The following IL1RAPL1 variants were observed in gnomAD, a reference collection of about 807,000 sequenced individuals.
The protein encoded by IL1RAPL1 is interleukin-1 receptor accessory protein-like 1.
Under a neutral mutation model 48.4 loss-of-function variants are expected in IL1RAPL1, and 3 were observed. The ratio of observed to expected loss-of-function variants is 0.06; its 90% CI spans 0.03 to 0.16. The LOEUF (loss-of-function observed/expected upper bound fraction) is 0.16. Among genes scored for constraint, IL1RAPL1 ranks in the 10% least tolerant of loss-of-function variants. IL1RAPL1 has a pLI of 1.00. For synonymous variants in IL1RAPL1, 185 were observed against 187.7 expected, an observed-to-expected ratio of 0.99 and a Z score of 0.12; for missense variants, 349 against 530.6, an observed-to-expected ratio of 0.66 and a Z score of 3.36.
chrX:29,446,468 A>G (rs1489263051), intron 5 of IL1RAPL1, among the ~76,000 whole-genome samples: 1 of 111,659 alleles, frequency 9.0e-6, no homozygotes, highest in Non-Finnish European at 1.9e-5. Context: ...GGGGAAAAAG[A>G]CCAATATGTG....
chrX:28,807,564 T>G (rs1936746371), intron 2 of IL1RAPL1, among the ~76,000 whole-genome samples: 1 of 111,587 alleles, frequency 9.0e-6, no homozygotes, highest in Non-Finnish European at 1.9e-5. Context: ...CTTTTTGGTT[T>G]TAGTTTTATG....
At chrX:28,925,573 C>T (rs1287554996) in intron 2 of IL1RAPL1, among the ~76,000 whole-genome samples, 1 of 111,571 alleles carries the variant, frequency 9.0e-6, no homozygotes, top group Non-Finnish European at 1.9e-5. Flanking sequence ...ATTTTGTATA[C>T]GCAACCCTGT....
chrX:29,115,022 T>C (rs1928650930), intron 2 of IL1RAPL1, among the ~76,000 whole-genome samples: 1 of 112,006 alleles, frequency 8.9e-6, no homozygotes, highest in Admixed American at 9.5e-5. Context: ...TTAAAGGACC[T>C]CAAATATTTT....
At chrX:29,081,018 C>T (rs544426064) in intron 2 of IL1RAPL1, among the ~76,000 whole-genome samples, 870 of 54,201 alleles carry the variant, frequency 0.016, 28 homozygotes, top group South Asian at 0.044. Context: ...CTCTCTCTCT[C>T]TCTTTCTTTT....
chrX:29,742,437 G>T lies in IL1RAPL1; in HGVS notation c.778+73933G>T, dbSNP rs1400713935. Among the ~76,000 whole-genome samples the T allele has an allele frequency of 2.7e-5, 3 of 110,391 alleles. No individual in the cohort carries two copies. In the South Asian group the frequency reaches 1.1e-3, roughly 42 times the overall value. On this transcript the variant is annotated intron_variant, in intron 6 of 10. Transcript: ENST00000378993. ...AAACCATGATGTAAATGGAGCTAAGGTCAGAATTAGATTCCTTAGGGAGCT... is the reference window on the plus strand; with the variant it reads ...AAACCATGATGTAAATGGAGCTAAGTTCAGAATTAGATTCCTTAGGGAGCT...
At chrX:29,769,206 A>C (rs144936796) in intron 6 of IL1RAPL1, among the ~76,000 whole-genome samples, 2,701 of 110,364 alleles carry the variant, frequency 0.024, 77 homozygotes, top group African/African-American at 0.085. Context: ...GAATTATTTT[A>C]TTTCTTTTTA....
At position 29,582,365 on chromosome X, in the gene IL1RAPL1, T is replaced by A. The variant is rs764916195; in HGVS notation, c.704-86065T>A. 9.9e-3 allele frequency among the ~76,000 whole-genome samples: 923 copies of A among 93,491 alleles called. 18 individuals are homozygous for A. Among genetic ancestry groups the A allele is most frequent in the African/African-American group, 0.022 (417 of 18,799 alleles). 81.2% of individuals were successfully genotyped at this position (93,491 alleles called of 115,157 possible). On this transcript the variant is annotated intron_variant, in intron 5 of 10. Coordinates refer to ENST00000378993, the MANE Select transcript of IL1RAPL1 (RefSeq NM_014271.4). ...AGATAGCATCTTTTTTTTTTTATTTTTTTATTTTTTTATTTTTATTTTTAT... is the reference window on the plus strand; with the variant it reads ...AGATAGCATCTTTTTTTTTTTATTTATTTATTTTTTTATTTTTATTTTTAT...
At chrX:28,646,784 C>T (rs1216345315) in intron 1 of IL1RAPL1, among the ~76,000 whole-genome samples, 1 of 112,496 alleles carries the variant, frequency 8.9e-6, no homozygotes, top group Non-Finnish European at 1.9e-5. Context: ...CCAACTGTTA[C>T]TCCTTTCATT....
intron 2 of IL1RAPL1, among the ~76,000 whole-genome samples, chrX:29,045,379 A>C (rs181111047): frequency 8.9e-6 from 1 of 112,390 alleles, no homozygotes; most frequent in Non-Finnish European, 1.9e-5. Flanking sequence ...AACCAACACA[A>C]GTTCTTTTGC....
intron 2 of IL1RAPL1, among the ~76,000 whole-genome samples, chrX:29,150,830 G>A (rs1388946825): frequency 2.8e-5 from 3 of 107,180 alleles, no homozygotes; most frequent in Non-Finnish European, 5.8e-5. Context: ...GCCGAGGCAG[G>A]AGAATCGCTT....
At chrX:28,827,196 A>T (rs1281053291) in intron 2 of IL1RAPL1, among the ~76,000 whole-genome samples, 3 of 111,294 alleles carry the variant, frequency 2.7e-5, no homozygotes, top group Non-Finnish European at 5.7e-5. Context: ...TATTTTCTTC[A>T]GCTACATATT....
At chrX:29,803,249 A>ATG (rs1339418248) in intron 6 of IL1RAPL1, among the ~76,000 whole-genome samples, 1 of 32,281 alleles carries the variant, frequency 3.1e-5, no homozygotes, top group Admixed American at 2.6e-4. Context: ...ATATGTATAC[A>ATG]TATACACACA....
At position 29,053,912 on chromosome X, in the gene IL1RAPL1, T is replaced by A. The variant is rs191695361; in HGVS notation, c.83-229026T>A. ...AGCTTTATTTCTGAGCTGGTATTTATCTTTCTGTGCCTGGCTTATTTGACC... is the reference window on the plus strand; with the variant it reads ...AGCTTTATTTCTGAGCTGGTATTTAACTTTCTGTGCCTGGCTTATTTGACC... On this transcript the variant is annotated intron_variant, in intron 2 of 10. Transcript: ENST00000378993. Among the ~76,000 whole-genome samples, 158 of 112,059 alleles carry A rather than the reference T, an allele frequency of 1.4e-3. 1 individual carries two copies. The highest frequency in any genetic ancestry group is 4.9e-3 in the African/African-American group (152 of 30,858).
chrX:29,403,271 C>T (rs1164656532), intron 5 of IL1RAPL1, among the ~76,000 whole-genome samples: 5 of 111,724 alleles, frequency 4.5e-5, no homozygotes, highest in African/African-American at 1.6e-4. Flanking sequence ...TTTTGTTGCT[C>T]AAATTATTAC....
intron 6 of IL1RAPL1, among the ~76,000 whole-genome samples, chrX:29,850,608 G>A (rs1569185335): frequency 8.9e-6 from 1 of 112,454 alleles, no homozygotes; most frequent in Non-Finnish European, 1.9e-5. Context: ...TGTGGGTGGC[G>A]ACTGTGGAAA....
intron 2 of IL1RAPL1, among the ~76,000 whole-genome samples, chrX:29,069,671 C>CACACACA (rs1927524448): frequency 1.6e-5 from 1 of 63,908 alleles, no homozygotes; most frequent in South Asian, 6.9e-4. Flanking sequence ...ACACACACAC[C>CACACACA]CCTCCCCTTC....
intron 2 of IL1RAPL1, among the ~76,000 whole-genome samples, chrX:28,995,673 G>A (rs780323786): frequency 1.8e-5 from 2 of 111,275 alleles, no homozygotes; most frequent in East Asian, 5.7e-4. Flanking sequence ...CCAAGCAAAT[G>A]ATTCTGCTAT....
chrX:29,750,705 A>G (rs920638034), intron 6 of IL1RAPL1, among the ~76,000 whole-genome samples: 3 of 112,035 alleles, frequency 2.7e-5, no homozygotes, highest in African/African-American at 9.7e-5. Flanking sequence ...TTTTTAACCA[A>G]TTAGAATCTA....
At chrX:29,017,342 T>G (rs1188091983) in intron 2 of IL1RAPL1, among the ~76,000 whole-genome samples, 1 of 112,188 alleles carries the variant, frequency 8.9e-6, no homozygotes, top group Non-Finnish European at 1.9e-5. Flanking sequence ...TACCTGCTTA[T>G]AGTAAGCGTT....
Sources: allele counts gnomAD v4.1 joint callset (sites outside exome capture counted in the v4.1 genomes callset), GRCh38; gene constraint gnomAD v4.1.1; transcripts MANE v1.5; gene names NCBI Gene and HGNC (gene_info 2026-07-23, HGNC 2026-07-21).